Variants in ST13 observed in about 807,000 individuals in gnomAD.
ST13 encodes the protein ST13 Hsp70 interacting protein.
Under a neutral mutation model 56.7 loss-of-function variants are expected in ST13, and 23 were observed. The ratio of observed to expected loss-of-function variants is 0.41; its 90% CI spans 0.29 to 0.57. ST13 has a LOEUF of 0.57. ST13 is among the 20% of genes least tolerant of loss of function. The probability of loss-of-function intolerance (pLI) is 0.36; values close to 1 mark genes in which losing one functional copy is unlikely to be tolerated. For synonymous variants in ST13, 132 were observed against 142.4 expected, an observed-to-expected ratio of 0.93 and a Z score of 0.52; for missense variants, 369 against 459.9, an observed-to-expected ratio of 0.80 and a Z score of 1.81.
chr22:40,827,146 G>C lies in ST13; in HGVS notation c.931C>G (p.Pro311Ala). ...GGGMPGMAGM[P>A]GLNEILSDPE... Reference sequence around the variant, plus strand: ...TCACTAAGAATTTCATTGAGTCCAGGCATTCCAGCCATTCCAGGCATGCCC... The same window carrying C: ...TCACTAAGAATTTCATTGAGTCCAGCCATTCCAGCCATTCCAGGCATGCCC... The change falls in exon 11 of 12, where the codon CCT becomes GCT. Residue 311 changes from proline (P) to alanine (A), a missense_variant. By Grantham distance (27) the Pro-to-Ala change is conservative (BLOSUM62 -1). Around this residue, in one of 3 missense-constraint regions of ST13, gnomAD observed 136 missense variants for 159.2 expected, o/e 0.85. Coordinates refer to ENST00000216218, the MANE Select transcript of ST13 (RefSeq NM_003932.5). 3.1e-6 allele frequency: 5 copies of C among 1,612,282 alleles called. No homozygotes were observed. Among genetic ancestry groups the C allele is most frequent in the Non-Finnish European group, 4.2e-6 (5 of 1,179,976 alleles).
At chr22:40,840,776 G>T in intron 4 of ST13, 84 bp from the exon 5 acceptor site, 1 of 1,060,370 alleles carries the variant, frequency 9.4e-7, no homozygotes, top group Admixed American at 2.2e-5. Context: ...ATGAGGCGCA[G>T]TCACAATACC....
chr22:40,841,582 A>G (rs1472958889), intron 4 of ST13, among the ~76,000 whole-genome samples: 1 of 152,042 alleles, frequency 6.6e-6, no homozygotes. Flanking sequence ...CAAAAAATAA[A>G]AAGAAAAAAT....
chr22:40,831,461 G>T (rs1387423274), intron 8 of ST13, among the ~76,000 whole-genome samples: 3 of 152,022 alleles, frequency 2.0e-5, no homozygotes, highest in Non-Finnish European at 2.9e-5. Context: ...GGATTAAGAG[G>T]GAAAAATGTA....
At chr22:40,854,320 A>C (rs1222998477) in intron 1 of ST13, among the ~76,000 whole-genome samples, 2 of 152,242 alleles carry the variant, frequency 1.3e-5, no homozygotes, top group Non-Finnish European at 2.9e-5. Flanking sequence ...AGAAATAAAG[A>C]GAAAAAGCTT....
chr22:40,842,475 G>T (rs2057809208), intron 4 of ST13, among the ~76,000 whole-genome samples: 1 of 152,110 alleles, frequency 6.6e-6, no homozygotes, highest in Non-Finnish European at 1.5e-5. Flanking sequence ...ACTTCAAAAA[G>T]ATTTGAAGTA....
In ST13 at chr22:40,840,662, C is replaced by G. The variant is rs770423131; in HGVS notation, c.346G>C (p.Asp116His). Residue 116 changes from aspartate to histidine, a missense_variant, in exon 5 of 12, where the codon GAT (aspartate) becomes CAT (histidine). Physicochemically the swap from Asp to His is moderately conservative, Grantham distance 81. Coordinates refer to ENST00000216218, the MANE Select transcript of ST13 (RefSeq NM_003932.5). ...ITEEMMDQAN[D>H]KKVAAIEALN... ...GCTTCAATAGCAGCCACTTTTTTAT[C>G]ATTTGCCTGATCCATCATCTCCTCC... 6.2e-7 allele frequency: 1 copy of G among 1,610,672 alleles called. No homozygotes were observed. The highest frequency in any genetic ancestry group is 8.5e-7 in the Non-Finnish European group (1 of 1,179,302).
At chr22:40,836,150 T>A (rs889092076) in intron 5 of ST13, among the ~76,000 whole-genome samples, 1 of 152,128 alleles carries the variant, frequency 6.6e-6, no homozygotes, top group African/African-American at 2.4e-5. Flanking sequence ...CCCATATTGA[T>A]CTTGTTTAAG....
At chr22:40,848,419 A>G (rs909322439) in intron 2 of ST13, 50 bp from the exon 3 acceptor site, 4 of 1,201,710 alleles carry the variant, frequency 3.3e-6, no homozygotes, top group Non-Finnish European at 4.9e-6. Context: ...AACATACCGA[A>G]TATTTATACT....
intron 1 of ST13, 25 bp downstream of exon 1, chr22:40,856,406 A>T: frequency 6.3e-7 from 1 of 1,596,976 alleles, no homozygotes; most frequent in Non-Finnish European, 8.6e-7. Context: ...CCCCGCCCCC[A>T]ACGGTCCTCA....
At chr22:40,840,798 ATTC>A in intron 4 of ST13, 106 bp from the exon 5 acceptor site, 1 of 827,402 alleles carries the variant, frequency 1.2e-6, no homozygotes, top group South Asian at 1.7e-5. Flanking sequence ...ATTTTCATTC[ATTC>A]TTCTGTAGTC....
At chr22:40,848,790 A>G (rs1174720436) in intron 2 of ST13, among the ~76,000 whole-genome samples, 1 of 152,188 alleles carries the variant, frequency 6.6e-6, no homozygotes, top group African/African-American at 2.4e-5. Context: ...CATTGACAAT[A>G]AACAGTTTAG....
intron 10 of ST13, 60 bp from the exon 11 acceptor site, chr22:40,827,289 A>C: frequency 1.3e-6 from 2 of 1,578,738 alleles, no homozygotes; most frequent in South Asian, 1.1e-5. Flanking sequence ...ACAGTATTTC[A>C]TCCACAAAAA....
chr22:40,853,788 A>C (rs1175899448), intron 1 of ST13, among the ~76,000 whole-genome samples: 1 of 152,232 alleles, frequency 6.6e-6, no homozygotes, highest in Admixed American at 6.5e-5. Flanking sequence ...AGGGAGTAGA[A>C]AACAAAGACA....
At chr22:40,849,136 A>G (rs1457330890) in intron 2 of ST13, among the ~76,000 whole-genome samples, 1 of 152,124 alleles carries the variant, frequency 6.6e-6, no homozygotes, top group Non-Finnish European at 1.5e-5. Flanking sequence ...CTATTCACTC[A>G]ACCATATATT....
Position 40,853,792 on chromosome 22 carries a change from A to G in ST13, c.110+2639T>C, listed in dbSNP as rs2057874061. Among the ~76,000 whole-genome samples, 3 of 152,224 alleles carry G rather than the reference A, an allele frequency of 2.0e-5. No individual in the cohort carries two copies. The South Asian group carries it at 6.2e-4, about 32-fold the overall frequency. Reference sequence around the variant, plus strand: ...CGTACTGTACTAGGGAGTAGAAAACAAAGACACTCTCTTCGATCTTAATTA... The same window carrying G: ...CGTACTGTACTAGGGAGTAGAAAACGAAGACACTCTCTTCGATCTTAATTA... On this transcript the variant is annotated intron_variant, in intron 1 of 11. Transcript: ENST00000216218.
At chr22:40,851,418 C>T (rs1160580277) in intron 1 of ST13, among the ~76,000 whole-genome samples, 1 of 152,182 alleles carries the variant, frequency 6.6e-6, no homozygotes, top group Non-Finnish European at 1.5e-5. Context: ...TCCTTATACA[C>T]CCCTCCCAAC....
chr22:40,829,141 G>A (rs1481117360), intron 10 of ST13, among the ~76,000 whole-genome samples: 3 of 152,054 alleles, frequency 2.0e-5, no homozygotes, highest in Admixed American at 6.6e-5. Flanking sequence ...TTCTAGCATC[G>A]GATCATGCAA....
intron 7 of ST13, among the ~76,000 whole-genome samples, chr22:40,834,263 C>G (rs1270402028): frequency 6.6e-6 from 1 of 152,124 alleles, no homozygotes; most frequent in Admixed American, 6.5e-5. Flanking sequence ...CCAGCCTGGG[C>G]AACAGAGTGA....
intron 1 of ST13, among the ~76,000 whole-genome samples, 165 bp from the exon 2 acceptor site, chr22:40,851,045 A>C (rs1437466993): frequency 1.3e-5 from 2 of 152,186 alleles, no homozygotes; most frequent in South Asian, 2.1e-4. Flanking sequence ...ATTATGGTTA[A>C]ATTTTTTCCA....
Sources: gnomAD v4.1 joint callset for allele counts (sites outside exome capture counted in the v4.1 genomes callset) on GRCh38, gnomAD v4.1.1 for gene constraint, gnomAD v4.1.1 regional missense constraint, MANE v1.5 for transcripts, NCBI Gene and HGNC (gene_info 2026-07-23, HGNC 2026-07-21) for gene names.